Variants in ZNF507 observed in about 807,000 individuals in gnomAD.
The protein encoded by ZNF507 is zinc finger protein 507.
In ZNF507, 29 loss-of-function variants were observed where a neutral mutation model predicts 80.0. That is an observed-to-expected ratio of 0.36 (90% CI 0.27 to 0.49). The LOEUF (loss-of-function observed/expected upper bound fraction) is 0.49, where lower values mean the gene tolerates loss of function less well. Ranked by LOEUF, ZNF507 falls within the 20% of genes least tolerant of loss-of-function variation. ZNF507 has a pLI of 0.98. For synonymous variants in ZNF507, 462 were observed against 422.5 expected, an observed-to-expected ratio of 1.09 and a Z score of -1.15; for missense variants, 1,081 against 1,152.2, an observed-to-expected ratio of 0.94 and a Z score of 0.90.
At chr19:32,351,600 C>T (rs1479584544) in intron 2 of ZNF507, among the ~76,000 whole-genome samples, 1 of 146,050 alleles carries the variant, frequency 6.8e-6, no homozygotes, top group African/African-American at 2.5e-5. Context: ...TATGTTGATT[C>T]AACCATGCGG....
At position 32,353,142 on chromosome 19, in the gene ZNF507, G is replaced by T; in HGVS notation, c.312G>T (p.Glu104Asp). Residue 104 changes from glutamate to aspartate, a missense_variant, in exon 3 of 7, where the codon GAG becomes GAT. By Grantham distance (45) the Glu-to-Asp change is conservative. Around this residue, in one of 6 missense-constraint regions of ZNF507, gnomAD observed 275 missense variants for 303.9 expected, o/e 0.90. Transcript: ENST00000355898. Reference protein sequence around the residue: ...QSPAADTRRAEMSQTNFTPDT... With the variant: ...QSPAADTRRADMSQTNFTPDT... ...CTGCTGCTGATACTAGAAGGGCTGA[G>T]ATGTCACAAACAAATTTTACCCCTG... is the stretch of plus-strand genomic sequence containing the variant. 6.2e-7 allele frequency: 1 copy of T among 1,614,224 alleles called. No individual in the cohort carries two copies. Among genetic ancestry groups the T allele is most frequent in the Non-Finnish European group, 8.5e-7 (1 of 1,180,046 alleles).
Position 32,353,972 on chromosome 19 carries a change from C to T in ZNF507, c.1142C>T (p.Ala381Val). Residue 381 changes from alanine to valine, a missense_variant, in exon 3 of 7, where the codon GCA becomes GTA. By Grantham distance (64) the Ala-to-Val change is moderately conservative. Around this residue, in one of 6 missense-constraint regions of ZNF507, gnomAD observed 614 missense variants for 583.9 expected, o/e 1.05. Transcript: ENST00000355898. ...NLIPDSLLTS[A>V]QKIISSSPNK... ...ATTCCTGATAGCCTGCTTACATCAGCACAGAAAATCATCAGCAGCAGCCCC... is the reference window on the plus strand; with the variant it reads ...ATTCCTGATAGCCTGCTTACATCAGTACAGAAAATCATCAGCAGCAGCCCC... 6.2e-7 allele frequency: 1 copy of T among 1,614,102 alleles called. No individual in the cohort carries two copies. Among genetic ancestry groups the T allele is most frequent in the Non-Finnish European group, 8.5e-7 (1 of 1,180,020 alleles).
intron 2 of ZNF507, among the ~76,000 whole-genome samples, chr19:32,349,129 C>T (rs1475097881): frequency 1.3e-5 from 2 of 152,192 alleles, no homozygotes; most frequent in East Asian, 1.9e-4. Context: ...AAGAAATAGC[C>T]TTCTATTGAG....
chr19:32,357,718 T>A (rs1244579793), intron 4 of ZNF507: 1 of 152,242 alleles, frequency 6.6e-6, no homozygotes, highest in African/African-American at 2.4e-5. Context: ...CAGTTTTGTT[T>A]CCTTTTTACA....
rs1408316270 is a variant in ZNF507, at chr19:32,385,580, C to A, written c.*2497C>A. 1 of 152,204 alleles carries A rather than the reference C, an allele frequency of 6.6e-6. No homozygotes were observed. Among genetic ancestry groups the A allele is most frequent in the Non-Finnish European group, 1.5e-5 (1 of 68,074 alleles). The allele number at this position is 152,204 out of a possible 1,614,324, so 9.4% of individuals were successfully genotyped here. On this transcript the variant is annotated 3_prime_UTR_variant, in exon 7 of 7. Transcript: ENST00000355898. The stretch of plus-strand genomic sequence containing the variant: ...CTGTAATCCCAATACTTTAGAAGGC[C>A]AAGGCTGGAGGACTGCTTGAGTCCA...
Position 32,354,461 on chromosome 19 carries a change from T to G in ZNF507, c.1631T>G (p.Met544Arg). 1 of 1,614,172 alleles carries G rather than the reference T, an allele frequency of 6.2e-7. No homozygotes were observed. The highest frequency in any genetic ancestry group is 8.5e-7 in the Non-Finnish European group (1 of 1,180,030). ...DSTLAAYSKM[M>R]SPLKNSSDGL... ...ACATTGGCAGCGTACTCAAAAATGATGTCGCCACTTAAAAACTCTTCAGAT... is the reference window on the plus strand; with the variant it reads ...ACATTGGCAGCGTACTCAAAAATGAGGTCGCCACTTAAAAACTCTTCAGAT... The change falls in exon 3 of 7, where the codon ATG becomes AGG. Residue 544 changes from methionine (M) to arginine (R), a missense_variant. Met to Arg is a moderately conservative substitution (Grantham distance 91). Transcript: ENST00000355898.
At chr19:32,376,318 A>G (rs1967546317) in intron 5 of ZNF507, among the ~76,000 whole-genome samples, 1 of 152,176 alleles carries the variant, frequency 6.6e-6, no homozygotes, top group East Asian at 1.9e-4. Context: ...GAAATCAGGA[A>G]AAAAGTTATT....
At chr19:32,366,161 C>T (rs575000909) in intron 5 of ZNF507, among the ~76,000 whole-genome samples, 2 of 152,212 alleles carry the variant, frequency 1.3e-5, no homozygotes, top group Admixed American at 1.3e-4. Flanking sequence ...TCCAGCCGCT[C>T]TATTAAGAGA....
At chr19:32,356,513 C>T (rs983845910) in intron 3 of ZNF507, 103 bp from the exon 4 acceptor site, 17 of 710,304 alleles carry the variant, frequency 2.4e-5, no homozygotes, top group African/African-American at 5.4e-5. Flanking sequence ...TATGGTAATT[C>T]GTTGTACTAG....
intron 4 of ZNF507, chr19:32,357,728 A>G (rs1399676764): frequency 1.3e-5 from 2 of 152,208 alleles, no homozygotes; most frequent in African/African-American, 4.8e-5. Flanking sequence ...TCCTTTTTAC[A>G]AAATAGCCCT....
At chr19:32,363,527 A>G (rs1568306186) in intron 5 of ZNF507, among the ~76,000 whole-genome samples, 2 of 152,116 alleles carry the variant, frequency 1.3e-5, no homozygotes, top group Non-Finnish European at 2.9e-5. Flanking sequence ...CCTGGGATTG[A>G]ATCTGAGCTC....
In ZNF507 at chr19:32,354,820, C is replaced by A. The variant is rs563902319; in HGVS notation, c.1990C>A (p.Arg664=). The A allele has an allele frequency of 3.7e-6, 6 of 1,614,160 alleles. No individual in the cohort carries two copies. In the African/African-American group the frequency reaches 8.0e-5, roughly 22 times the overall value. ...GYIKQHLRVH[R]QRQPYQCPIC... ...CATCAAGCAGCACTTACGAGTCCAT[C>A]GACAGAGACAGCCTTATCAGTGTCC... is the stretch of plus-strand genomic sequence containing the variant. Residue 664 remains arginine, a synonymous_variant, in exon 3 of 7, where the codon CGA becomes AGA. Coordinates refer to ENST00000355898, the MANE Select transcript of ZNF507 (RefSeq NM_001136156.2).
chr19:32,368,179 CAG>C (rs1678108909), intron 5 of ZNF507, among the ~76,000 whole-genome samples: 1 of 152,148 alleles, frequency 6.6e-6, no homozygotes, highest in Admixed American at 6.5e-5. Context: ...GGGTGTGAAA[CAG>C]AAGCAATTTC....
intron 2 of ZNF507, among the ~76,000 whole-genome samples, chr19:32,350,260 G>T (rs1250914455): frequency 6.9e-6 from 1 of 144,028 alleles, no homozygotes; most frequent in African/African-American, 2.6e-5. Context: ...CATTGATTTT[G>T]CATGGGGACC....
In ZNF507 at chr19:32,382,450, G is replaced by GC. The variant is rs575922131; in HGVS notation, c.2361-15dup. Reference sequence around the variant, plus strand: ...TATGGGACCGTTCTGATTTTCCCTTGCCTGCCTGTCTTCCAGATGCTCTCT... The same window carrying GC: ...TATGGGACCGTTCTGATTTTCCCTTGCCCTGCCTGTCTTCCAGATGCTCTCT... On this transcript the variant is annotated splice_polypyrimidine_tract_variant and intron_variant, in intron 5 of 6. Transcript: ENST00000355898. 2.7e-4 allele frequency: 429 copies of GC among 1,611,264 alleles called. 3 individuals are homozygous for GC. The African/African-American group carries it at 5.1e-3, about 19-fold the overall frequency.
At chr19:32,347,843 C>T (rs1258901802) in intron 2 of ZNF507, among the ~76,000 whole-genome samples, 1 of 152,010 alleles carries the variant, frequency 6.6e-6, no homozygotes, top group Admixed American at 6.6e-5. Context: ...TTGCAGCTGC[C>T]AAATTAGAAT....
At chr19:32,382,361 A>C (rs1967634203) in intron 5 of ZNF507, 106 bp from the exon 6 acceptor site, 4 of 1,378,270 alleles carry the variant, frequency 2.9e-6, no homozygotes, top group Non-Finnish European at 3.0e-6. Context: ...CGATATGTCT[A>C]ATAAGGGTTC....
rs752763976 is a variant in ZNF507 at position 32,353,817 on chromosome 19, A to G, written c.987A>G (p.Ser329=). ...GPSVQVQICS[S]EQLSSSSPLE... ...CAGTGCAAGTGCAGATTTGCAGCTC[A>G]GAACAGTTATCATCTTCATCTCCTT... Residue 329 remains serine (S), a synonymous_variant, in exon 3 of 7, where the codon TCA becomes TCG. Coordinates refer to ENST00000355898, the MANE Select transcript of ZNF507 (RefSeq NM_001136156.2). 3 of 1,614,124 alleles carry G rather than the reference A, an allele frequency of 1.9e-6. No individual in the cohort carries two copies. Among genetic ancestry groups the G allele is most frequent in the Non-Finnish European group, 8.5e-7 (1 of 1,180,048 alleles).
In ZNF507 at chr19:32,383,120, G is replaced by A. The variant is rs770836106; in HGVS notation, c.*37G>A. 29 of 1,584,810 alleles carry A rather than the reference G, an allele frequency of 1.8e-5. No individual in the cohort carries two copies. The highest frequency in any genetic ancestry group is 2.7e-5 in the African/African-American group (2 of 74,086). ...ACTCGAGCAGGAAAGCAGTAGAAGAGGATTCCTTCACCACAGTTTCACCTT... is the reference window on the plus strand; with the variant it reads ...ACTCGAGCAGGAAAGCAGTAGAAGAAGATTCCTTCACCACAGTTTCACCTT... On this transcript the variant is annotated 3_prime_UTR_variant, in exon 7 of 7. Transcript: ENST00000355898.
Sources: allele counts gnomAD v4.1 joint callset (sites outside exome capture counted in the v4.1 genomes callset), GRCh38; gene constraint gnomAD v4.1.1; regional missense constraint gnomAD v4.1.1; transcripts MANE v1.5; gene names NCBI Gene and HGNC (gene_info 2026-07-23, HGNC 2026-07-21).